The following FHIT variants were observed in gnomAD, a reference collection of about 807,000 sequenced individuals.
The protein encoded by FHIT is bis(5'-adenosyl)-triphosphatase.
A neutral mutation model predicts 17.9 loss-of-function variants in FHIT; 19 were observed. The ratio of observed to expected loss-of-function variants is 1.06; its 90% CI spans 0.74 to 1.56. The LOEUF (loss-of-function observed/expected upper bound fraction) is 1.56, where lower values mean the gene tolerates loss of function less well. Among genes scored for constraint, FHIT ranks in the 40% most tolerant of loss-of-function variants. The probability of loss-of-function intolerance (pLI) is 0.00; values close to 1 mark genes in which losing one functional copy is unlikely to be tolerated. For missense variants in FHIT, 248 were observed against 189.2 expected (o/e 1.31, Z -1.82); for synonymous variants, 81 against 69.7 (o/e 1.16, Z -0.81).
At chr3:60,561,622 G>A (rs1046232474) in intron 4 of FHIT, among the ~76,000 whole-genome samples, 6 of 152,122 alleles carry the variant, frequency 3.9e-5, no homozygotes, top group Non-Finnish European at 2.9e-5. Context: ...AGGATGACTT[G>A]AAAAGGCAAC....
chr3:60,562,020 A>G (rs2036971357), intron 4 of FHIT, among the ~76,000 whole-genome samples: 1 of 152,134 alleles, frequency 6.6e-6, no homozygotes, highest in South Asian at 2.1e-4. Context: ...AACTTGATCC[A>G]CTAGTTATTA....
At chr3:60,596,944 GC>G (rs2038291448) in intron 4 of FHIT, among the ~76,000 whole-genome samples, 1 of 152,090 alleles carries the variant, frequency 6.6e-6, no homozygotes, top group Non-Finnish European at 1.5e-5. Context: ...AAAAAAATGT[GC>G]TTTGAACTAT....
intron 5 of FHIT, among the ~76,000 whole-genome samples, chr3:60,131,058 C>CACATATATACACATAT (rs1699568830): frequency 2.9e-5 from 1 of 34,356 alleles, no homozygotes; most frequent in African/African-American, 1.6e-4. Flanking sequence ...TATATACATA[C>CACATATATACACATAT]ATACACATGT....
intron 5 of FHIT, among the ~76,000 whole-genome samples, chr3:60,175,542 A>G (rs973930835): frequency 6.6e-6 from 1 of 152,232 alleles, no homozygotes; most frequent in Non-Finnish European, 1.5e-5. Flanking sequence ...ATTTTTACTC[A>G]ACATAATGAC....
chr3:60,692,404 T>C (rs2041012840), intron 4 of FHIT, among the ~76,000 whole-genome samples: 1 of 152,142 alleles, frequency 6.6e-6, no homozygotes, highest in South Asian at 2.1e-4. Context: ...CGTCTGACCT[T>C]AAAACAGGGA....
At chr3:60,916,474 G>A (rs35673396) in intron 3 of FHIT, among the ~76,000 whole-genome samples, 38,585 of 151,978 alleles carry the variant, frequency 0.25, 5,067 homozygotes, top group Middle Eastern at 0.34. Context: ...AAGAGTCGGG[G>A]TAAAAATCAC....
At chr3:59,793,505 A>G (rs1178597179) in intron 8 of FHIT, among the ~76,000 whole-genome samples, 2 of 152,166 alleles carry the variant, frequency 1.3e-5, no homozygotes, top group East Asian at 3.9e-4. Context: ...ACTGGTAAAG[A>G]GACTTGAGCC....
intron 3 of FHIT, among the ~76,000 whole-genome samples, chr3:60,989,721 C>G (rs937675694): frequency 1.3e-5 from 2 of 152,140 alleles, no homozygotes; most frequent in African/African-American, 2.4e-5. Flanking sequence ...GCTTTTGACT[C>G]TTTTATGTTT....
At chr3:60,693,660 T>C (rs12635701) in intron 4 of FHIT, among the ~76,000 whole-genome samples, 1 of 152,222 alleles carries the variant, frequency 6.6e-6, no homozygotes, top group Non-Finnish European at 1.5e-5. Flanking sequence ...GCCTTGTCAG[T>C]GCTGAAGGCC....
chr3:60,833,172 AG>A (rs1206697380), intron 3 of FHIT, among the ~76,000 whole-genome samples: 2 of 152,102 alleles, frequency 1.3e-5, no homozygotes, highest in Non-Finnish European at 2.9e-5. Context: ...CTTTCACTTA[AG>A]CCCCGATTTT....
chr3:59,798,209 T>C (rs1465960076), intron 8 of FHIT, among the ~76,000 whole-genome samples: 1 of 152,108 alleles, frequency 6.6e-6, no homozygotes, highest in African/African-American at 2.4e-5. Flanking sequence ...CTCAGAAAAA[T>C]ACTAAAGCAG....
At chr3:60,498,153 C>G (rs2034378114) in intron 5 of FHIT, among the ~76,000 whole-genome samples, 1 of 152,100 alleles carries the variant, frequency 6.6e-6, no homozygotes, top group Admixed American at 6.5e-5. Context: ...TTCGCCAACA[C>G]CAAGATGGAC....
Position 60,862,015 on chromosome 3 carries a change from C to T in FHIT, c.-110-40004G>A, listed in dbSNP as rs538751694. Among the ~76,000 whole-genome samples the T allele has an allele frequency of 8.1e-4, 123 of 151,232 alleles. 2 individuals carry two copies. Among genetic ancestry groups the T allele is most frequent in the East Asian group, 1.9e-4 (1 of 5,148 alleles). On this transcript the variant is annotated intron_variant, in intron 3 of 9. Coordinates refer to ENST00000492590, the MANE Select transcript of FHIT (RefSeq NM_002012.4). ...TAAAATGATTAAAACAAAAACAAAC[C>T]CAAATATCTGGGTCTAGGAATTTCA...
At chr3:60,184,177 C>G (rs1441722891) in intron 5 of FHIT, among the ~76,000 whole-genome samples, 1 of 151,932 alleles carries the variant, frequency 6.6e-6, no homozygotes, top group African/African-American at 2.4e-5. Context: ...TAGAGACCAA[C>G]TCTTACTATG....
rs782317663 is a variant in FHIT at position 60,768,742 on chromosome 3, C to T, written c.-18+53177G>A. Among the ~76,000 whole-genome samples, 25 of 152,316 alleles carry T rather than the reference C, an allele frequency of 1.6e-4. No homozygotes were observed. In the East Asian group the frequency reaches 4.4e-3, roughly 27 times the overall value. On this transcript the variant is annotated intron_variant, in intron 4 of 9. Transcript: ENST00000492590. ...TGTGAGGGGCCCTGGCAAGGCATACCGCCTGACCTGCACACCAAGTGATGA... is the reference window on the plus strand; with the variant it reads ...TGTGAGGGGCCCTGGCAAGGCATACTGCCTGACCTGCACACCAAGTGATGA...
intron 5 of FHIT, among the ~76,000 whole-genome samples, chr3:60,238,928 C>A (rs1704962225): frequency 1.3e-5 from 2 of 152,092 alleles, no homozygotes; most frequent in Non-Finnish European, 1.5e-5. Flanking sequence ...GATAATCCTG[C>A]AAAGAAAATT....
intron 4 of FHIT, among the ~76,000 whole-genome samples, chr3:60,619,633 T>C (rs2682975): frequency 0.5 from 67,681 of 134,150 alleles, 16,997 homozygotes; most frequent in East Asian, 0.63. Context: ...AAAAAGAATC[T>C]AGACAAAGAC....
chr3:59,780,844 C>A, intron 8 of FHIT, among the ~76,000 whole-genome samples: 1 of 152,166 alleles, frequency 6.6e-6, no homozygotes, highest in East Asian at 1.9e-4. Flanking sequence ...AGTTTATATT[C>A]TCTTATAGCA....
intron 5 of FHIT, among the ~76,000 whole-genome samples, chr3:60,395,015 A>G (rs780411148): frequency 1.3e-5 from 2 of 152,240 alleles, no homozygotes; most frequent in South Asian, 4.1e-4. Flanking sequence ...ATGATACAAT[A>G]AAATAACATG....
Sources: allele counts gnomAD v4.1 joint callset (sites outside exome capture counted in the v4.1 genomes callset), GRCh38; gene constraint gnomAD v4.1.1; transcripts MANE v1.5; gene names NCBI Gene and HGNC (gene_info 2026-07-23, HGNC 2026-07-21).